Variants in S100Z observed in about 807,000 individuals in gnomAD.
S100Z encodes the protein S100 calcium binding protein Z.
A neutral mutation model predicts 8.5 loss-of-function variants in S100Z; 11 were observed. The ratio of observed to expected loss-of-function variants is 1.30; its 90% CI spans 0.82 to 2.15. The LOEUF (loss-of-function observed/expected upper bound fraction) is 2.15, where lower values mean the gene tolerates loss of function less well. S100Z is among the 30% of genes most tolerant of loss of function. The probability of loss-of-function intolerance (pLI) is 0.00; values close to 1 mark genes in which losing one functional copy is unlikely to be tolerated. For synonymous variants in S100Z, 34 were observed against 43.8 expected (o/e 0.78, Z 0.89); for missense variants, 126 against 117.9 (o/e 1.07, Z -0.32).
intron 4 of S100Z, 159 bp downstream of exon 4, chr5:76,877,993 C>G (rs528185734): frequency 2.2e-6 from 1 of 451,022 alleles, no homozygotes; most frequent in South Asian, 4.9e-5. Context: ...TTATGTGCCC[C>G]TTAAAATATT....
intron 4 of S100Z, among the ~76,000 whole-genome samples, chr5:76,920,506 A>ACATG (rs1460518753): frequency 6.6e-6 from 1 of 152,242 alleles, no homozygotes; most frequent in Admixed American, 6.5e-5. Context: ...CTTAGAAAGA[A>ACATG]CATGCCTGCC....
chr5:76,906,972 GTGTGTATATATATATA>G lies in S100Z; in HGVS notation c.*3-13743_*3-13728del, dbSNP rs1363659352. On this transcript the variant is annotated intron_variant, in intron 4 of 4. Coordinates refer to ENST00000317593, the MANE Select transcript of S100Z (RefSeq NM_130772.4). Reference sequence around the variant, plus strand: ...AAGGCTGAATAGTATTCCATTGTGTGTGTGTATATATATATATATATATATATATATATATATATAT... The same window carrying G: ...AAGGCTGAATAGTATTCCATTGTGTGTATATATATATATATATATATATAT... Among the ~76,000 whole-genome samples the G allele has an allele frequency of 9.5e-4, 29 of 30,450 alleles. 1 individual carries two copies. Among genetic ancestry groups the G allele is most frequent in the African/African-American group, 3.2e-3 (26 of 8,128 alleles). 20.0% of individuals were successfully genotyped at this position (30,450 alleles called of 152,430 possible). A position where few individuals can be genotyped will look rare whatever the true frequency, so the allele number is the denominator to read the frequency against.
At chr5:76,896,044 G>T (rs943445972) in intron 4 of S100Z, among the ~76,000 whole-genome samples, 3 of 151,916 alleles carry the variant, frequency 2.0e-5, no homozygotes, top group African/African-American at 7.3e-5. Flanking sequence ...TTACAGGTGC[G>T]AGCCACCAGA....
At chr5:76,922,759 G>A (rs2681668), downstream of S100Z, among the ~76,000 whole-genome samples, 45,996 of 151,968 alleles carry the variant, frequency 0.3, 7,705 homozygotes, top group South Asian at 0.61. Context: ...TCCTGACCTC[G>A]TGATCTGCCC....
chr5:76,854,626 G>A (rs1332335362), intron 1 of S100Z, among the ~76,000 whole-genome samples: 1 of 152,182 alleles, frequency 6.6e-6, no homozygotes, highest in Non-Finnish European at 1.5e-5. Context: ...ACCAGAAACT[G>A]GAACTTATAT....
rs983973099 is a variant in S100Z at position 76,875,440 on chromosome 5, C to G, written c.81C>G (p.Phe27Leu). 5 of 1,613,132 alleles carry G rather than the reference C, an allele frequency of 3.1e-6. No individual in the cohort carries two copies. In the South Asian group the frequency reaches 3.3e-5, roughly 11 times the overall value. Reference protein sequence around the residue: ...HRYSGKERKRFKLSKGELKLL... With the variant: ...HRYSGKERKRLKLSKGELKLL... ...ATTCTGGCAAGGAAAGGAAGAGATTCAAGCTCAGCAAGGGGGAACTGAAAC... is the reference window on the plus strand; with the variant it reads ...ATTCTGGCAAGGAAAGGAAGAGATTGAAGCTCAGCAAGGGGGAACTGAAAC... Residue 27 changes from phenylalanine (F) to leucine (L), a missense_variant, in exon 3 of 5, where the codon TTC becomes TTG. Transcript: ENST00000317593.
the S100Z span, among the ~76,000 whole-genome samples, chr5:76,927,249 A>G: frequency 6.6e-6 from 1 of 152,118 alleles, no homozygotes; most frequent in African/African-American, 2.4e-5. Context: ...ATTGCCTCAC[A>G]CTGACCTATG....
At chr5:76,903,931 A>G (rs2150672816) in intron 4 of S100Z, among the ~76,000 whole-genome samples, 1 of 151,820 alleles carries the variant, frequency 6.6e-6, no homozygotes, top group African/African-American at 2.4e-5. Flanking sequence ...GATGGCTGTT[A>G]GTAGAGACCA....
At chr5:76,901,961 G>A (rs1428426663) in intron 4 of S100Z, among the ~76,000 whole-genome samples, 1 of 152,102 alleles carries the variant, frequency 6.6e-6, no homozygotes, top group African/African-American at 2.4e-5. Context: ...TTCCTTCAAG[G>A]CAGCAGGTTC....
intron 4 of S100Z, among the ~76,000 whole-genome samples, chr5:76,882,361 C>T (rs2150649233): frequency 6.6e-6 from 1 of 152,252 alleles, no homozygotes; most frequent in Middle Eastern, 3.4e-3. Flanking sequence ...GACTGCACAG[C>T]CCTGCACTTT....
chr5:76,905,866 A>G (rs1351156031), intron 4 of S100Z, among the ~76,000 whole-genome samples: 11 of 152,040 alleles, frequency 7.2e-5, no homozygotes, highest in Non-Finnish European at 1.5e-5. Context: ...ATATCACTCC[A>G]TTGCCCAGGC....
chr5:76,871,318 G>C (rs6453260), intron 2 of S100Z, among the ~76,000 whole-genome samples: 68,952 of 151,938 alleles, frequency 0.45, 16,017 homozygotes, highest in East Asian at 0.67. Flanking sequence ...AAATTAACTA[G>C]GAATTTGACA....
rs144387049 is a variant in S100Z, at chr5:76,914,217, A to G, written c.*3-6500A>G. Among the ~76,000 whole-genome samples, 105 of 152,112 alleles carry G rather than the reference A, an allele frequency of 6.9e-4. 1 individual carries two copies. In the East Asian group the frequency reaches 0.019, roughly 27 times the overall value. ...AAGTAGCTAAAGCGGTCATCGGCCA[A>G]ATTCCCAACAGCAGTTGGGGCATCC... On this transcript the variant is annotated intron_variant, in intron 4 of 4. Transcript: ENST00000317593.
At chr5:76,950,119 T>C in the S100Z span, among the ~76,000 whole-genome samples, 1 of 152,262 alleles carries the variant, frequency 6.6e-6, no homozygotes, top group African/African-American at 2.4e-5. Flanking sequence ...TGATATGTTC[T>C]ATTTTCTAAC....
At chr5:76,875,980 T>C (rs1451509477) in intron 3 of S100Z, among the ~76,000 whole-genome samples, 2 of 152,104 alleles carry the variant, frequency 1.3e-5, no homozygotes, top group Non-Finnish European at 1.5e-5. Flanking sequence ...CACAGACTGA[T>C]TGGGATTGAT....
chr5:76,947,585 C>T, the S100Z span, among the ~76,000 whole-genome samples: 12,178 of 152,074 alleles, frequency 0.08, 528 homozygotes, highest in East Asian at 0.17. Flanking sequence ...AAACAAAGCA[C>T]GAGGCACCAC....
downstream of S100Z, among the ~76,000 whole-genome samples, chr5:76,925,342 T>C (rs1295243654): frequency 6.6e-6 from 1 of 152,138 alleles, no homozygotes; most frequent in Non-Finnish European, 1.5e-5. Flanking sequence ...GACCATTTCA[T>C]AGGCTCACTA....
intron 4 of S100Z, among the ~76,000 whole-genome samples, chr5:76,898,126 A>T (rs1201797692): frequency 6.7e-6 from 1 of 150,076 alleles, no homozygotes; most frequent in Admixed American, 6.7e-5. Context: ...GGTCTGTCAT[A>T]TATGGCTTTA....
intron 2 of S100Z, among the ~76,000 whole-genome samples, chr5:76,871,516 A>C (rs1743008396): frequency 7.1e-6 from 1 of 140,128 alleles, no homozygotes; most frequent in African/African-American, 2.8e-5. Flanking sequence ...GCCAATCAGA[A>C]ACTCTTTTTT....
Sources: allele counts gnomAD v4.1 joint callset (sites outside exome capture counted in the v4.1 genomes callset), GRCh38; gene constraint gnomAD v4.1.1; transcripts MANE v1.5; gene names NCBI Gene and HGNC (gene_info 2026-07-23, HGNC 2026-07-21).